CCSER2: variants seen among roughly 807,000 people sequenced by gnomAD.
CCSER2 encodes serine-rich coiled-coil domain-containing protein 2.
Under a neutral mutation model 92.3 loss-of-function variants are expected in CCSER2, and 46 were observed. The observed-to-expected ratio is 0.50, with a 90% CI of 0.39 to 0.64. The LOEUF (loss-of-function observed/expected upper bound fraction) is 0.64. Among genes scored for constraint, CCSER2 ranks in the 30% least tolerant of loss-of-function variants. The probability of loss-of-function intolerance (pLI) is 0.00; values close to 1 mark genes in which losing one functional copy is unlikely to be tolerated. For missense variants in CCSER2, 1,244 were observed against 1,238.9 expected, an observed-to-expected ratio of 1.00 and a Z score of -0.06; for synonymous variants, 433 against 431.4, an observed-to-expected ratio of 1.00 and a Z score of -0.04.
At chr10:84,394,462 G>T in intron 3 of CCSER2, among the ~76,000 whole-genome samples, 1 of 151,362 alleles carries the variant, frequency 6.6e-6, no homozygotes, top group East Asian at 2.0e-4. Flanking sequence ...AAGTTAACTT[G>T]TGAGTTGAGT....
intron 1 of CCSER2, among the ~76,000 whole-genome samples, chr10:84,361,905 G>A (rs1845522831): frequency 6.6e-6 from 1 of 152,186 alleles, no homozygotes; most frequent in Non-Finnish European, 1.5e-5. Context: ...CTCCCAAAGT[G>A]CTGGGATTAC....
At chr10:84,344,152 G>A (rs1236912017) in intron 1 of CCSER2, among the ~76,000 whole-genome samples, 1 of 152,134 alleles carries the variant, frequency 6.6e-6, no homozygotes, top group Non-Finnish European at 1.5e-5. Flanking sequence ...TCATAGAAGA[G>A]CCCTTTAGTC....
At chr10:84,370,626 G>T (rs994534696) in intron 1 of CCSER2, among the ~76,000 whole-genome samples, 1 of 152,054 alleles carries the variant, frequency 6.6e-6, no homozygotes, top group African/African-American at 2.4e-5. Context: ...TTGCCTGAGT[G>T]CACTGGCTGT....
intron 3 of CCSER2, among the ~76,000 whole-genome samples, chr10:84,402,209 G>T (rs1842155043): frequency 6.6e-6 from 1 of 152,124 alleles, no homozygotes; most frequent in Admixed American, 6.6e-5. Context: ...TAACTGCAAT[G>T]CCTGCCCTGA....
At chr10:84,386,073 A>G (rs1376713800) in intron 3 of CCSER2, among the ~76,000 whole-genome samples, 1 of 149,910 alleles carries the variant, frequency 6.7e-6, no homozygotes, top group Non-Finnish European at 1.5e-5. Context: ...TAAAAAGTTA[A>G]AAAATAACAT....
At chr10:84,358,744 G>T (rs1198024191) in intron 1 of CCSER2, among the ~76,000 whole-genome samples, 1 of 151,064 alleles carries the variant, frequency 6.6e-6, no homozygotes, top group African/African-American at 2.4e-5. Context: ...TAATGTGATT[G>T]CCTCAACTAT....
At chr10:84,338,015 C>A (rs1179932293) in intron 1 of CCSER2, among the ~76,000 whole-genome samples, 1 of 152,134 alleles carries the variant, frequency 6.6e-6, no homozygotes, top group African/African-American at 2.4e-5. Flanking sequence ...GGCACGGTGG[C>A]TCAGCCTGTA....
chr10:84,386,742 A>G (rs1841233222), intron 3 of CCSER2, among the ~76,000 whole-genome samples: 1 of 152,166 alleles, frequency 6.6e-6, no homozygotes, highest in Admixed American at 6.5e-5. Context: ...AGAAAACAAA[A>G]CACAACAACA....
chr10:84,392,763 G>A (rs993221994), intron 3 of CCSER2, among the ~76,000 whole-genome samples: 4 of 152,100 alleles, frequency 2.6e-5, no homozygotes, highest in African/African-American at 9.7e-5. Flanking sequence ...TTTTTGGGGT[G>A]TGCAGGCTGG....
At chr10:84,399,716 C>T (rs1318181232) in intron 3 of CCSER2, among the ~76,000 whole-genome samples, 1 of 151,362 alleles carries the variant, frequency 6.6e-6, no homozygotes, top group South Asian at 2.1e-4. Context: ...TAATAATTGG[C>T]TGTTATATCT....
chr10:84,471,941 C>T (rs1212274035), intron 8 of CCSER2, among the ~76,000 whole-genome samples: 1 of 151,696 alleles, frequency 6.6e-6, no homozygotes, highest in Admixed American at 6.6e-5. Flanking sequence ...TTATCTTCTA[C>T]AAATGAATAT....
chr10:84,388,787 G>T (rs903325361), intron 3 of CCSER2, among the ~76,000 whole-genome samples: 2 of 152,070 alleles, frequency 1.3e-5, no homozygotes, highest in Admixed American at 1.3e-4. Context: ...CCTCATGTGC[G>T]CAGTTCACAA....
intron 1 of CCSER2, among the ~76,000 whole-genome samples, chr10:84,356,458 A>G (rs1381591207): frequency 1.3e-5 from 2 of 152,260 alleles, no homozygotes; most frequent in African/African-American, 4.8e-5. Context: ...ACAGGGAGCC[A>G]GTATTTGAAG....
chr10:84,461,557 ATCTGAAATGC>A (rs1490059533), intron 6 of CCSER2, among the ~76,000 whole-genome samples: 1 of 151,934 alleles, frequency 6.6e-6, no homozygotes, highest in African/African-American at 2.4e-5. Flanking sequence ...TTATTGTATA[ATCTGAAATGC>A]TAGTATTTAG....
chr10:84,394,621 G>GT (rs1374970664), intron 3 of CCSER2, among the ~76,000 whole-genome samples: 4 of 152,092 alleles, frequency 2.6e-5, no homozygotes, highest in African/African-American at 9.7e-5. Context: ...AGGGTATGGG[G>GT]TAGAGGGTAG....
chr10:84,360,465 A>G (rs1845436903), intron 1 of CCSER2, among the ~76,000 whole-genome samples: 1 of 152,214 alleles, frequency 6.6e-6, no homozygotes, highest in Non-Finnish European at 1.5e-5. Context: ...TATTTTTACT[A>G]TTTATAGGAG....
At position 84,441,852 on chromosome 10, in the gene CCSER2, G is replaced by A. The variant is rs901394772; in HGVS notation, c.2064+3145G>A. Among the ~76,000 whole-genome samples, 7 of 137,384 alleles carry A rather than the reference G, an allele frequency of 5.1e-5. No homozygotes were observed. The East Asian group carries it at 1.5e-3, about 30-fold the overall frequency. The allele number at this position is 137,384 out of a possible 152,430, so 90.1% of individuals were successfully genotyped here. On this transcript the variant is annotated intron_variant, in intron 6 of 9. Transcript: ENST00000372088. ...GCTCACTGCAAACTCCACCTCCTGG[G>A]TTCACGCCATTCTCCTGCCTCAGCC...
intron 6 of CCSER2, among the ~76,000 whole-genome samples, chr10:84,463,454 T>C (rs1261662208): frequency 2.0e-5 from 3 of 152,180 alleles, no homozygotes; most frequent in Non-Finnish European, 4.4e-5. Context: ...ATAAATGGAG[T>C]TATGTGATAT....
intron 5 of CCSER2, among the ~76,000 whole-genome samples, chr10:84,437,710 G>GTGTTT: frequency 2.4e-5 from 3 of 126,820 alleles, no homozygotes; most frequent in South Asian, 2.6e-4. Context: ...TTTTAGAGTA[G>GTGTTT]TTTTTTTTTT....
Sources: allele counts gnomAD v4.1 joint callset (sites outside exome capture counted in the v4.1 genomes callset), GRCh38; gene constraint gnomAD v4.1.1; transcripts MANE v1.5; gene names NCBI Gene and HGNC (gene_info 2026-07-23, HGNC 2026-07-21).